Variants in PACRG observed in about 807,000 individuals in gnomAD.
PACRG encodes parkin coregulated.
Under a neutral mutation model 29.7 loss-of-function variants are expected in PACRG, and 29 were observed. The observed-to-expected ratio is 0.98, with a 90% CI of 0.73 to 1.33. The LOEUF (loss-of-function observed/expected upper bound fraction) is 1.33. PACRG is among the 40% of genes most tolerant of loss of function. The pLI is 0.00. For synonymous variants in PACRG, 116 were observed against 118.7 expected (o/e 0.98, Z 0.15); for missense variants, 279 against 316.2 (o/e 0.88, Z 0.89).
At chr6:162,932,887 A>C (rs192728843) in intron 2 of PACRG, among the ~76,000 whole-genome samples, 2 of 151,780 alleles carry the variant, frequency 1.3e-5, no homozygotes, top group African/African-American at 4.8e-5. Flanking sequence ...CATCTTTATA[A>C]ACGTTCTAAA....
chr6:162,727,698 A>G (rs200065081), upstream of PACRG: 1,691 of 1,566,206 alleles, frequency 1.1e-3, 22 homozygotes, highest in African/African-American at 0.021. Context: ...GCTGCGGGCC[A>G]GGAACAGGCC....
intron 4 of PACRG, among the ~76,000 whole-genome samples, chr6:163,226,183 G>A (rs541583244): frequency 4.6e-5 from 7 of 152,310 alleles, no homozygotes; most frequent in Admixed American, 1.3e-4. Flanking sequence ...AGAGTAGAAC[G>A]GTGTTTAGCA....
intron 1 of PACRG, among the ~76,000 whole-genome samples, chr6:162,728,717 C>T (rs1779488554): frequency 6.6e-6 from 1 of 152,194 alleles, no homozygotes; most frequent in Non-Finnish European, 1.5e-5. Context: ...ACTAGCCCCA[C>T]TCAGCAAAGG....
At chr6:163,210,186 A>G (rs571532178) in intron 4 of PACRG, among the ~76,000 whole-genome samples, 255 of 152,372 alleles carry the variant, frequency 1.7e-3, no homozygotes, top group African/African-American at 5.7e-3. Flanking sequence ...CAGACGATGA[A>G]CAGAAGGACA....
chr6:162,769,159 A>T (rs117795995), intron 1 of PACRG, among the ~76,000 whole-genome samples: 1 of 152,154 alleles, frequency 6.6e-6, no homozygotes, highest in African/African-American at 2.4e-5. Flanking sequence ...AAGAGGACAG[A>T]CTAAACTTGT....
chr6:163,075,962 A>G (rs887698449), intron 3 of PACRG, among the ~76,000 whole-genome samples: 22 of 152,220 alleles, frequency 1.4e-4, no homozygotes, highest in Non-Finnish European at 2.8e-4. Context: ...GTACCACAGG[A>G]AACAAGAGCT....
intron 4 of PACRG, among the ~76,000 whole-genome samples, chr6:163,293,146 C>G (rs1400298729): frequency 1.4e-4 from 21 of 152,140 alleles, no homozygotes; most frequent in Admixed American, 1.4e-3. Flanking sequence ...ATCCTATGAA[C>G]CATCTTGTTC....
chr6:163,113,984 A>G (rs1815847576), intron 4 of PACRG, among the ~76,000 whole-genome samples: 1 of 152,210 alleles, frequency 6.6e-6, no homozygotes, highest in Non-Finnish European at 1.5e-5. Flanking sequence ...ATTTTGTAAT[A>G]TCGATAACTG....
chr6:162,755,436 C>T (rs546684812), intron 1 of PACRG, among the ~76,000 whole-genome samples: 14 of 151,542 alleles, frequency 9.2e-5, no homozygotes, highest in Admixed American at 2.6e-4. Context: ...TCTTCCTTTT[C>T]CTCTTCTTCT....
intron 4 of PACRG, among the ~76,000 whole-genome samples, chr6:163,111,762 G>T (rs1815726165): frequency 6.6e-6 from 1 of 152,118 alleles, no homozygotes; most frequent in South Asian, 2.1e-4. Flanking sequence ...CATTGCTCTT[G>T]TCTTTTCTAT....
At chr6:163,042,319 G>A (rs1808813406) in intron 2 of PACRG, among the ~76,000 whole-genome samples, 1 of 152,158 alleles carries the variant, frequency 6.6e-6, no homozygotes, top group Non-Finnish European at 1.5e-5. Flanking sequence ...GCAGAAAAAA[G>A]AGCATCCTAA....
chr6:162,902,879 A>G (rs1267272220), intron 2 of PACRG, among the ~76,000 whole-genome samples: 1 of 152,158 alleles, frequency 6.6e-6, no homozygotes, highest in Non-Finnish European at 1.5e-5. Context: ...TTTTTCTTCA[A>G]TTCCAAAAGC....
chr6:162,901,953 G>A (rs1795591071), intron 2 of PACRG, among the ~76,000 whole-genome samples: 1 of 152,214 alleles, frequency 6.6e-6, no homozygotes, highest in Non-Finnish European at 1.5e-5. Context: ...TATATTGGCT[G>A]TGTTGGGCAT....
At chr6:163,064,101 A>G (rs921366866) in intron 3 of PACRG, among the ~76,000 whole-genome samples, 1 of 150,676 alleles carries the variant, frequency 6.6e-6, no homozygotes, top group African/African-American at 2.4e-5. Context: ...TTTTTTTTAA[A>G]TCAATGCTTC....
At chr6:162,795,425 G>A (rs968397283) in intron 1 of PACRG, among the ~76,000 whole-genome samples, 12 of 152,092 alleles carry the variant, frequency 7.9e-5, no homozygotes, top group South Asian at 2.1e-4. Context: ...TTAATGAATC[G>A]TCCATGTTTC....
At chr6:163,002,623 G>A (rs1301287999) in intron 2 of PACRG, among the ~76,000 whole-genome samples, 1 of 152,176 alleles carries the variant, frequency 6.6e-6, no homozygotes, top group Non-Finnish European at 1.5e-5. Context: ...TAATCATTTA[G>A]TTAATGAAAG....
intron 1 of PACRG, among the ~76,000 whole-genome samples, chr6:162,763,980 A>G (rs1481483169): frequency 6.6e-6 from 1 of 152,186 alleles, no homozygotes; most frequent in East Asian, 1.9e-4. Context: ...TTTCTTTTAA[A>G]ATGGGGTGCT....
chr6:162,796,822 A>C (rs1396565694), intron 1 of PACRG, among the ~76,000 whole-genome samples: 1 of 152,218 alleles, frequency 6.6e-6, no homozygotes, highest in East Asian at 1.9e-4. Flanking sequence ...CCTGAAGCCA[A>C]TGCTAAATGA....
At chr6:162,796,208 C>A (rs1478697058) in intron 1 of PACRG, among the ~76,000 whole-genome samples, 1 of 152,166 alleles carries the variant, frequency 6.6e-6, no homozygotes, top group African/African-American at 2.4e-5. Context: ...GAGATTGGAG[C>A]TTTACATTTG....
Sources: gnomAD v4.1 joint callset for allele counts (sites outside exome capture counted in the v4.1 genomes callset) on GRCh38, gnomAD v4.1.1 for gene constraint, MANE v1.5 for transcripts, NCBI Gene and HGNC (gene_info 2026-07-23, HGNC 2026-07-21) for gene names.